The following SMG5 variants were observed in gnomAD, a reference collection of about 807,000 sequenced individuals.
The protein encoded by SMG5 is SMG5 nonsense mediated mRNA decay factor, also known as nonsense-mediated mRNA decay factor SMG5.
In SMG5, 53 loss-of-function variants were observed where a neutral mutation model predicts 122.9. The ratio of observed to expected loss-of-function variants is 0.43; its 90% confidence interval spans 0.35 to 0.54. The LOEUF is 0.54. SMG5 is among the 20% of genes least tolerant of loss of function. The pLI is 0.01. For synonymous variants in SMG5, 477 were observed against 490.2 expected (o/e 0.97, Z 0.35); for missense variants, 1,153 against 1,285.6 (o/e 0.90, Z 1.58).
intron 7 of SMG5, among the ~76,000 whole-genome samples, chr1:156,270,068 ACCTT>A: frequency 7.1e-6 from 1 of 141,548 alleles, no homozygotes; most frequent in African/African-American, 2.4e-5. Context: ...AAACCCAATG[ACCTT>A]AACACTCATG....
rs1662123801 is a variant in SMG5 at position 156,266,161 on chromosome 1, C to A, written c.1475G>T (p.Gly492Val). The A allele has an allele frequency of 6.2e-7, 1 of 1,614,138 alleles. No individual in the cohort carries two copies. The highest frequency in any genetic ancestry group is 1.7e-5 in the Admixed American group (1 of 60,014). Residue 492 changes from glycine (G) to valine (V), a missense_variant, in exon 12 of 22, where the codon GGC becomes GTC. Gly to Val is a moderately radical substitution (Grantham distance 109). This residue lies in a region of SMG5 where 631 missense variants were observed against 650.6 expected (regional missense o/e 0.97). Transcript: ENST00000361813. ...SSHDSARASE[G>V]SDSGSDKSLE... ...ACTCTTGTCAGAGCCACTGTCTGAG[C>A]CCTCACTGGCCCGGGCTGAGTCATG...
chr1:156,279,217 G>A (rs1291259588), intron 1 of SMG5, among the ~76,000 whole-genome samples, 183 bp from the exon 2 acceptor site: 1 of 151,134 alleles, frequency 6.6e-6, no homozygotes, highest in East Asian at 1.9e-4. Flanking sequence ...AGTAACCCCT[G>A]CCCCTCCCCA....
intron 12 of SMG5, 26 bp downstream of exon 12, chr1:156,265,755 A>G (rs757611759): frequency 6.2e-7 from 1 of 1,604,428 alleles, no homozygotes; most frequent in African/African-American, 1.3e-5. Context: ...GCGGACCAGA[A>G]CAGGATGATG....
intron 16 of SMG5, among the ~76,000 whole-genome samples, chr1:156,254,514 G>A (rs140828741): frequency 3.3e-5 from 5 of 152,212 alleles, no homozygotes; most frequent in African/African-American, 7.2e-5. Flanking sequence ...CACAATTCCT[G>A]TTCACTGCTA....
chr1:156,255,509 A>G (rs1236806755), intron 16 of SMG5, among the ~76,000 whole-genome samples: 2 of 152,120 alleles, frequency 1.3e-5, no homozygotes, highest in Non-Finnish European at 2.9e-5. Flanking sequence ...ATTGCACTCC[A>G]GTCTGCACAA....
intron 4 of SMG5, among the ~76,000 whole-genome samples, chr1:156,276,359 TC>T (rs1435253755): frequency 6.6e-6 from 1 of 152,066 alleles, no homozygotes; most frequent in Admixed American, 6.6e-5. Context: ...ACTCCTGACC[TC>T]AGGTGATCCA....
At chr1:156,258,775 C>T (rs1661685877) in intron 16 of SMG5, among the ~76,000 whole-genome samples, 3 of 151,292 alleles carry the variant, frequency 2.0e-5, no homozygotes, top group Admixed American at 2.0e-4. Context: ...AGCCTGGCAA[C>T]AGAGTGGGAC....
chr1:156,287,586 C>T (rs1393967231), upstream of SMG5, among the ~76,000 whole-genome samples: 2 of 149,312 alleles, frequency 1.3e-5, no homozygotes, highest in African/African-American at 2.5e-5. Context: ...GAGCTCTCCT[C>T]GCAGCCTTCT....
chr1:156,253,575 C>T, intron 16 of SMG5, 67 bp from the exon 17 acceptor site: 1 of 1,482,648 alleles, frequency 6.7e-7, no homozygotes, highest in East Asian at 2.3e-5. Flanking sequence ...ATCAGGAAGA[C>T]CAAGAGGGTT....
At position 156,250,841 on chromosome 1, in the gene SMG5, C is replaced by A. The variant is rs1661314858; in HGVS notation, c.2967+17G>T. The A allele has an allele frequency of 6.2e-7, 1 of 1,613,392 alleles. No individual in the cohort carries two copies. The highest frequency in any genetic ancestry group is 8.5e-7 in the Non-Finnish European group (1 of 1,179,558). On this transcript the variant is annotated intron_variant, in intron 21 of 21. Transcript: ENST00000361813. ...GTCCCTATTCCACACCATCCCCCCA[C>A]CTCACCCATGACCCACCTGCATGGG...
chr1:156,260,672 C>T, intron 14 of SMG5, 46 bp from the exon 15 acceptor site: 2 of 1,447,280 alleles, frequency 1.4e-6, no homozygotes, highest in South Asian at 3.1e-5. Context: ...TGTGGGAACT[C>T]CCAGTCAGAG....
chr1:156,282,441 T>A (rs1166239010), intron 1 of SMG5, among the ~76,000 whole-genome samples, 166 bp downstream of exon 1: 1 of 152,110 alleles, frequency 6.6e-6, no homozygotes, highest in African/African-American at 2.4e-5. Context: ...CTCCTTTCAG[T>A]TCCATCCCGA....
rs1351455248 is a variant in SMG5 at position 156,250,683 on chromosome 1, AG to A, written c.2968-14del. ...CCTGCAGGGCTGCCTGTGGAATGGG[AG>A]AAGGAAAGATGGAGAGGGTCTGACC... On this transcript the variant is annotated splice_polypyrimidine_tract_variant and intron_variant, in intron 21 of 21. Coordinates refer to ENST00000361813, the MANE Select transcript of SMG5 (RefSeq NM_015327.3). 3 of 1,613,458 alleles carry A rather than the reference AG, an allele frequency of 1.9e-6. No individual in the cohort carries two copies. The African/African-American group carries it at 4.0e-5, about 22-fold the overall frequency.
chr1:156,277,510 T>C (rs1662737376), intron 3 of SMG5, among the ~76,000 whole-genome samples: 1 of 149,028 alleles, frequency 6.7e-6, no homozygotes, highest in African/African-American at 2.5e-5. Context: ...CTTTCTGCTG[T>C]CTTTTTTTTT....
intron 7 of SMG5, 98 bp downstream of exon 7, chr1:156,272,222 A>G: frequency 1.8e-6 from 2 of 1,092,400 alleles, no homozygotes; most frequent in Non-Finnish European, 2.7e-6. Flanking sequence ...CCCCTATCTC[A>G]GCCACAGCTA....
chr1:156,257,174 G>A (rs555736021), intron 16 of SMG5, among the ~76,000 whole-genome samples: 5 of 152,184 alleles, frequency 3.3e-5, no homozygotes, highest in Non-Finnish European at 2.9e-5. Flanking sequence ...TGATCCGCCC[G>A]CCTTGGCCTC....
upstream of SMG5, chr1:156,285,115 G>A: frequency 4.3e-6 from 6 of 1,385,068 alleles, no homozygotes; most frequent in Non-Finnish European, 5.8e-6. Context: ...GAGAGTATGA[G>A]TTCTGTCAAC....
rs1201856562 is a variant in SMG5 at position 156,266,205 on chromosome 1, G to T, written c.1431C>A (p.Gly477=). 6.2e-7 allele frequency: 1 copy of T among 1,614,140 alleles called. No homozygotes were observed. Among genetic ancestry groups the T allele is most frequent in the African/African-American group, 1.3e-5 (1 of 74,952 alleles). The change falls in exon 12 of 22, where the codon GGC becomes GGA. Residue 477 remains glycine (G), a synonymous_variant. Transcript: ENST00000361813. ...AGTCATGGCTTGAGTCCGATTCAAA[G>T]CCTTCACTCAGGTCACTGTCATCAC... ...KVGDDSDLSE[G]FESDSSHDSA...
chr1:156,273,714 T>A (rs1480338473), intron 5 of SMG5, among the ~76,000 whole-genome samples: 1 of 137,230 alleles, frequency 7.3e-6, no homozygotes, highest in Non-Finnish European at 1.6e-5. Context: ...TTTTGTTTTG[T>A]TTTCTTTTTT....
Sources: allele counts gnomAD v4.1 joint callset (sites outside exome capture counted in the v4.1 genomes callset), GRCh38; gene constraint gnomAD v4.1.1; regional missense constraint gnomAD v4.1.1; transcripts MANE v1.5; gene names NCBI Gene and HGNC (gene_info 2026-07-23, HGNC 2026-07-21).